CPXM2: variants seen among roughly 807,000 people sequenced by gnomAD.
CPXM2 encodes the protein carboxypeptidase X, M14 family member 2.
CPXM2 carries 66 observed loss-of-function variants against 86.1 expected under a neutral mutation model. The ratio of observed to expected loss-of-function variants is 0.77; its 90% CI spans 0.63 to 0.94. The LOEUF (loss-of-function observed/expected upper bound fraction) is 0.94. Ranked by LOEUF, CPXM2 falls within the 40% of genes least tolerant of loss-of-function variation. The pLI, the probability that CPXM2 is intolerant of heterozygous loss-of-function variation, is 0.00. For missense variants in CPXM2, 948 were observed against 1,026.3 expected, an observed-to-expected ratio of 0.92 and a Z score of 1.04; for synonymous variants, 388 against 400.2, an observed-to-expected ratio of 0.97 and a Z score of 0.36.
intron 4 of CPXM2, among the ~76,000 whole-genome samples, chr10:123,809,104 G>T (rs1847638464): frequency 6.6e-6 from 1 of 152,048 alleles, no homozygotes; most frequent in African/African-American, 2.4e-5. Context: ...ATGCTGTAGA[G>T]GCTTCCTGCC....
chr10:123,877,579 C>G (rs1272262534), intron 2 of CPXM2, among the ~76,000 whole-genome samples: 1 of 152,266 alleles, frequency 6.6e-6, no homozygotes, highest in South Asian at 2.1e-4. Context: ...AAAGCTTGGG[C>G]TCAGAACTGA....
intron 4 of CPXM2, among the ~76,000 whole-genome samples, chr10:123,817,125 T>C (rs1847829485): frequency 6.6e-6 from 1 of 152,214 alleles, no homozygotes; most frequent in Non-Finnish European, 1.5e-5. Context: ...ATCTGAATTT[T>C]GGAAGCAACA....
At chr10:123,752,530 GA>G in intron 13 of CPXM2, 1 of 985,396 alleles carries the variant, frequency 1.0e-6, no homozygotes, top group Non-Finnish European at 1.2e-6. Context: ...GGCAATGAAG[GA>G]TACATGGGCC....
chr10:123,900,232 G>A (rs1469951296), intron 2 of CPXM2, among the ~76,000 whole-genome samples: 1 of 152,080 alleles, frequency 6.6e-6, no homozygotes, highest in Non-Finnish European at 1.5e-5. Flanking sequence ...AGTAGGGAAG[G>A]GGTTTCACCA....
chr10:123,767,288 G>C, intron 9 of CPXM2, 136 bp from the exon 10 acceptor site: 1 of 710,220 alleles, frequency 1.4e-6, no homozygotes, highest in Non-Finnish European at 2.3e-6. Context: ...CCCAAAGATG[G>C]CATCTAAAGG....
chr10:123,893,139 C>T (rs1377518401), upstream of CPXM2, among the ~76,000 whole-genome samples: 1 of 152,220 alleles, frequency 6.6e-6, no homozygotes. Flanking sequence ...GTAACTATCT[C>T]TTGTTCTAGG....
chr10:123,821,899 T>C (rs1478552786), intron 4 of CPXM2, among the ~76,000 whole-genome samples: 2 of 152,138 alleles, frequency 1.3e-5, no homozygotes, highest in African/African-American at 2.4e-5. Flanking sequence ...CTCAAAACTG[T>C]TGAGGAAAGG....
intron 2 of CPXM2, among the ~76,000 whole-genome samples, chr10:123,937,470 A>AACACAC (rs201368456): frequency 0.056 from 7,364 of 132,368 alleles, 241 homozygotes; most frequent in Non-Finnish European, 0.061. Context: ...ACAACAAAAC[A>AACACAC]ACACACACAC....
intron 3 of CPXM2, among the ~76,000 whole-genome samples, chr10:123,855,738 C>T (rs1014131301): frequency 6.6e-6 from 1 of 152,208 alleles, no homozygotes; most frequent in Non-Finnish European, 1.5e-5. Context: ...AATATCCCAC[C>T]TCATTTTAGG....
chr10:123,806,550 T>C (rs7921110), intron 4 of CPXM2, among the ~76,000 whole-genome samples: 84,717 of 151,986 alleles, frequency 0.56, 25,537 homozygotes, highest in East Asian at 0.84. Context: ...GGTTAATACC[T>C]CAGGCTTTGA....
At chr10:123,825,061 C>A (rs751273013) in intron 4 of CPXM2, among the ~76,000 whole-genome samples, 5 of 152,164 alleles carry the variant, frequency 3.3e-5, no homozygotes, top group Non-Finnish European at 5.9e-5. Flanking sequence ...TCCGAAAAGA[C>A]CAGAAACTTC....
chr10:123,901,429 T>G lies in CPXM2; in HGVS notation n.175-21120A>C, dbSNP rs148167231. Among the ~76,000 whole-genome samples, 10 of 139,040 alleles carry G rather than the reference T, an allele frequency of 7.2e-5. No individual in the cohort carries two copies. The South Asian group carries it at 1.9e-3, about 26-fold the overall frequency. 91.2% of individuals were successfully genotyped at this position (139,040 alleles called of 152,430 possible). A position where few individuals can be genotyped will look rare whatever the true frequency, so the allele number is the denominator to read the frequency against. ...TTGTTTTCCTTCCATCCAAGCAAGTTTGTGTGTGTGTGTGTGTGTGTGTGT... is the reference window on the plus strand; with the variant it reads ...TTGTTTTCCTTCCATCCAAGCAAGTGTGTGTGTGTGTGTGTGTGTGTGTGT... On this transcript the variant is annotated intron_variant and non_coding_transcript_variant, in intron 2 of 19. Transcript: ENST00000368854.
intron 2 of CPXM2, among the ~76,000 whole-genome samples, chr10:123,900,674 A>G (rs2134260365): frequency 6.6e-6 from 1 of 152,366 alleles, no homozygotes; most frequent in Non-Finnish European, 1.5e-5. Context: ...ATTCCCAAAC[A>G]TGTGTCTGTC....
Position 123,818,277 on chromosome 10 carries a change from CA to C in CPXM2, c.654-19079del, listed in dbSNP as rs1394226111. ...CCCGTGAACAAAGTAGCCATGGGGGCAGGGATGGAGGTTACGCATGGGCTCA... is the reference window on the plus strand; with the variant it reads ...CCCGTGAACAAAGTAGCCATGGGGGCGGGATGGAGGTTACGCATGGGCTCA... On this transcript the variant is annotated intron_variant, in intron 4 of 13. Coordinates refer to ENST00000241305, the MANE Select transcript of CPXM2 (RefSeq NM_198148.3). Among the ~76,000 whole-genome samples the C allele has an allele frequency of 2.0e-5, 3 of 152,258 alleles. No homozygotes were observed. The East Asian group carries it at 5.8e-4, about 29-fold the overall frequency.
intron 6 of CPXM2, among the ~76,000 whole-genome samples, chr10:123,797,421 A>C (rs541284940): frequency 6.6e-5 from 10 of 152,330 alleles, no homozygotes; most frequent in African/African-American, 2.4e-4. Flanking sequence ...TACACTTGGC[A>C]AGGGACTTTA....
In CPXM2 at chr10:123,762,036, T is replaced by G. The variant is rs768195340; in HGVS notation, c.1613A>C (p.Glu538Ala). 6.2e-7 allele frequency: 1 copy of G among 1,613,918 alleles called. No homozygotes were observed. The highest frequency in any genetic ancestry group is 8.5e-7 in the Non-Finnish European group (1 of 1,179,944). The change falls in exon 11 of 14, where the codon GAA (glutamate) becomes GCA (alanine). Residue 538 changes from glutamate to alanine, a missense_variant. By Grantham distance (107) the Glu-to-Ala change is moderately radical. Coordinates refer to ENST00000241305, the MANE Select transcript of CPXM2 (RefSeq NM_198148.3). ...GTGGTCGTCGGGGGTGGGGGTGTGT[T>G]CCTGCGTCTTCCAGGGGGACCGCAC... ...DLVRSPWKTQ[E>A]HTPTPDDHVF... is the part of the protein sequence containing the mutation.
intron 2 of CPXM2, among the ~76,000 whole-genome samples, chr10:123,900,427 A>G (rs1945372649): frequency 6.6e-6 from 1 of 152,266 alleles, no homozygotes. Flanking sequence ...GGCTATTTAC[A>G]GAAGTGAAAA....
At chr10:123,761,301 G>A (rs748333727) in intron 11 of CPXM2, among the ~76,000 whole-genome samples, 27 of 152,330 alleles carry the variant, frequency 1.8e-4, no homozygotes, top group Non-Finnish European at 4.0e-4. Context: ...GAATGGAACC[G>A]TCCTCACCAC....
chr10:123,859,127 G>A (rs1222073999), intron 3 of CPXM2, among the ~76,000 whole-genome samples: 3 of 152,184 alleles, frequency 2.0e-5, no homozygotes, highest in African/African-American at 7.2e-5. Context: ...ACAGCGCTAG[G>A]CTAAACCAGC....
Sources: gnomAD v4.1 joint callset for allele counts (sites outside exome capture counted in the v4.1 genomes callset) on GRCh38, gnomAD v4.1.1 for gene constraint, MANE v1.5 for transcripts, NCBI Gene and HGNC (gene_info 2026-07-23, HGNC 2026-07-21) for gene names.